The following DNPEP variants were observed in gnomAD, a reference collection of about 807,000 sequenced individuals.
DNPEP encodes aspartyl aminopeptidase.
In DNPEP, 46 loss-of-function variants were observed where a neutral mutation model predicts 59.1. The ratio of observed to expected loss-of-function variants is 0.78; its 90% CI spans 0.61 to 0.99. The LOEUF is 0.99. DNPEP is among the 50% of genes least tolerant of loss of function. The probability of loss-of-function intolerance (pLI) is 0.00; values close to 1 mark genes in which losing one functional copy is unlikely to be tolerated. For missense variants in DNPEP, 617 were observed against 649.9 expected (o/e 0.95, Z 0.55); for synonymous variants, 229 against 242.2 (o/e 0.95, Z 0.50).
rs561225315 is a variant in DNPEP at position 219,379,250 on chromosome 2, G to GA, written c.1239+2084dup. On this transcript the variant is annotated intron_variant, in intron 13 of 14. Coordinates refer to ENST00000273075, the MANE Select transcript of DNPEP (RefSeq NM_012100.4). ...TTTTAGAATGTACTCCTACTTATTA[G>GA]AAAAAAAAAAAAAAGTTAACTGTAA... 7.7e-3 allele frequency among the ~76,000 whole-genome samples: 1,052 copies of GA among 136,212 alleles called. 10 individuals are homozygous for GA. The highest frequency in any genetic ancestry group is 0.02 in the African/African-American group (742 of 37,168). The allele number at this position is 136,212 out of a possible 152,430, so 89.4% of individuals were successfully genotyped here.
intron 9 of DNPEP, among the ~76,000 whole-genome samples, chr2:219,383,591 G>A (rs1487601772): frequency 2.6e-5 from 4 of 151,802 alleles, no homozygotes; most frequent in Non-Finnish European, 5.9e-5. Context: ...CCATGCAAAA[G>A]GCAGTAGAAG....
chr2:219,391,050 A>G (rs1954008566), upstream of DNPEP, among the ~76,000 whole-genome samples: 1 of 152,138 alleles, frequency 6.6e-6, no homozygotes, highest in South Asian at 2.1e-4. Context: ...TACTTTACCT[A>G]CTATTACCAT....
chr2:219,384,565 ATTTTG>A (rs1372187747), intron 8 of DNPEP, 122 bp from the exon 9 acceptor site: 10 of 659,204 alleles, frequency 1.5e-5, no homozygotes, highest in Non-Finnish European at 2.2e-5. Context: ...TTAGGGCACT[ATTTTG>A]TTTTTTCTTT....
chr2:219,386,576 A>G (rs1953846892), intron 4 of DNPEP, 89 bp downstream of exon 4: 2 of 1,443,750 alleles, frequency 1.4e-6, no homozygotes, highest in Non-Finnish European at 1.9e-6. Context: ...TCCAGGGGAT[A>G]GAGGCCCCAG....
chr2:219,375,623 G>A (rs1001510504), intron 13 of DNPEP, among the ~76,000 whole-genome samples: 13 of 151,928 alleles, frequency 8.6e-5, no homozygotes, highest in South Asian at 2.1e-4. Context: ...GTGCAGTGGC[G>A]CAATCTCAGC....
chr2:219,398,280 A>C (rs956658705), intron 1 of DNPEP, among the ~76,000 whole-genome samples: 1 of 152,214 alleles, frequency 6.6e-6, no homozygotes, highest in African/African-American at 2.4e-5. Flanking sequence ...AATCATCTTG[A>C]TATCTTTAGT....
intron 13 of DNPEP, among the ~76,000 whole-genome samples, chr2:219,377,659 C>G (rs971586835): frequency 6.6e-6 from 1 of 152,158 alleles, no homozygotes; most frequent in African/African-American, 2.4e-5. Context: ...AATGGTGGCT[C>G]ATGCCTGTAA....
chr2:219,385,899 C>CAGGTG (rs1953794213), intron 6 of DNPEP, 69 bp downstream of exon 6: 2 of 1,585,616 alleles, frequency 1.3e-6, no homozygotes, highest in East Asian at 4.5e-5. Context: ...TAATGGCTAC[C>CAGGTG]ATTAGGTAAT....
intron 1 of DNPEP, among the ~76,000 whole-genome samples, chr2:219,396,542 C>T (rs566982977): frequency 1.5e-4 from 23 of 151,422 alleles, no homozygotes; most frequent in African/African-American, 5.3e-4. Flanking sequence ...GAGCTGAGAT[C>T]GTACCACTAC....
chr2:219,385,662 C>G lies in DNPEP; in HGVS notation c.635G>C (p.Gly212Ala), dbSNP rs1273828575. ...ATAIQEELEK[G>A]TPEPGPLNAV... is the part of the protein sequence containing the mutation. ...ATTGAGAGGCCCTGGCTCAGGAGTC[C>G]CCTTCTCCAGCTCCTCCTGGATGGC... is the stretch of plus-strand genomic sequence containing the variant. The change falls in exon 7 of 15, where the codon GGG becomes GCG. Residue 212 changes from glycine (G) to alanine (A), a missense_variant. Gly to Ala is a moderately conservative substitution (Grantham distance 60, BLOSUM62 0). Coordinates refer to ENST00000273075, the MANE Select transcript of DNPEP (RefSeq NM_012100.4). The G allele has an allele frequency of 2.5e-6, 4 of 1,611,226 alleles. 1 individual carries two copies. The Admixed American group carries it at 6.7e-5, about 27-fold the overall frequency.
At chr2:219,397,357 TTTTTG>T (rs533640454) in intron 1 of DNPEP, among the ~76,000 whole-genome samples, 1 of 151,972 alleles carries the variant, frequency 6.6e-6, no homozygotes. Context: ...GCTAATTGGT[TTTTTG>T]TTTTGTTTTG....
In DNPEP at chr2:219,387,869, G is replaced by GCC; in HGVS notation, c.-77_-76dup. Reference sequence around the variant, plus strand: ...CACTAGCTTTGCAGGTCCCCCGCGTGCCCCTTCAGGCCGCGCCGCACTCGT... The same window carrying GCC: ...CACTAGCTTTGCAGGTCCCCCGCGTGCCCCCCTTCAGGCCGCGCCGCACTCGT... On this transcript the variant is annotated 5_prime_UTR_variant, in exon 1 of 15. Coordinates refer to ENST00000273075, the MANE Select transcript of DNPEP (RefSeq NM_012100.4). 6.9e-7 allele frequency: 1 copy of GCC among 1,459,746 alleles called. No homozygotes were observed. The highest frequency in any genetic ancestry group is 2.7e-5 in the Admixed American group (1 of 37,192). 90.4% of individuals were successfully genotyped at this position (1,459,746 alleles called of 1,614,324 possible).
chr2:219,387,186 C>A, intron 1 of DNPEP, 23 bp from the exon 2 acceptor site: 1 of 1,550,846 alleles, frequency 6.4e-7, no homozygotes, highest in Non-Finnish European at 8.7e-7. Context: ...GATGCTCAGA[C>A]TTTTACAAGG....
In DNPEP at chr2:219,387,103, TGAG is replaced by T. The variant is rs766191160; in HGVS notation, c.94_96del (p.Leu32del). 10 of 1,588,484 alleles carry T rather than the reference TGAG, an allele frequency of 6.3e-6. No individual in the cohort carries two copies. Among genetic ancestry groups the T allele is most frequent in the East Asian group, 2.3e-5 (1 of 44,028 alleles). On this transcript the variant is annotated inframe_deletion, in exon 2 of 15. Transcript: ENST00000273075. ...GGAGAGGGACTCCGGTTCACGAACTTGAGGAGTTCCTTAGCCGCAGTCTGCACC... is the reference window on the plus strand; with the variant it reads ...GGAGAGGGACTCCGGTTCACGAACTTGAGTTCCTTAGCCGCAGTCTGCACC...
intron 13 of DNPEP, among the ~76,000 whole-genome samples, chr2:219,375,597 C>T (rs111723717): frequency 0.013 from 2,031 of 152,046 alleles, 45 homozygotes; most frequent in African/African-American, 0.045. Flanking sequence ...AGTCTCCCTG[C>T]GATGCCCAGG....
chr2:219,380,864 G>A (rs1468381988), intron 13 of DNPEP, among the ~76,000 whole-genome samples: 1 of 5,892 alleles, frequency 1.7e-4, no homozygotes, highest in African/African-American at 2.3e-4. Flanking sequence ...CACACACACT[G>A]AGGAGAAAGG....
Position 219,385,993 on chromosome 2 carries a change from A to C in DNPEP, c.565T>G (p.Phe189Val). 6.2e-7 allele frequency: 1 copy of C among 1,614,066 alleles called. No homozygotes were observed. The highest frequency in any genetic ancestry group is 8.5e-7 in the Non-Finnish European group (1 of 1,180,006). Reference sequence around the variant, plus strand: ...AGATGCATCTCTGTGTTGGGCCCAAAGTTCTCGTTGATATTTCGCTGCAGA... The same window carrying C: ...AGATGCATCTCTGTGTTGGGCCCAACGTTCTCGTTGATATTTCGCTGCAGA... ...IHLQRNINEN[F>V]GPNTEMHLVP... Residue 189 changes from phenylalanine to valine, a missense_variant, in exon 6 of 15, where the codon TTT becomes GTT. Coordinates refer to ENST00000273075, the MANE Select transcript of DNPEP (RefSeq NM_012100.4).
At chr2:219,388,665 C>G (rs539472499), upstream of DNPEP, 203 of 984,990 alleles carry the variant, frequency 2.1e-4, no homozygotes, top group African/African-American at 2.9e-3. Flanking sequence ...GTGCCCCGGG[C>G]CTCGAGGCCA....
At chr2:219,388,610 G>A, upstream of DNPEP, 1 of 814,874 alleles carries the variant, frequency 1.2e-6, no homozygotes. Flanking sequence ...AGGGCCCTCT[G>A]CTGCCGCGGA....
Sources: gnomAD v4.1 joint callset for allele counts (sites outside exome capture counted in the v4.1 genomes callset) on GRCh38, gnomAD v4.1.1 for gene constraint, MANE v1.5 for transcripts, NCBI Gene and HGNC (gene_info 2026-07-23, HGNC 2026-07-21) for gene names.